MDK: variants seen among roughly 807,000 people sequenced by gnomAD.
The protein encoded by MDK is amphiregulin-associated protein.
Under a neutral mutation model 18.9 loss-of-function variants are expected in MDK, and 17 were observed. The ratio of observed to expected loss-of-function variants is 0.90; its 90% CI spans 0.62 to 1.35. The LOEUF (loss-of-function observed/expected upper bound fraction) is 1.35, where lower values mean the gene tolerates loss of function less well. MDK is among the 40% of genes most tolerant of loss of function. The probability of loss-of-function intolerance (pLI) is 0.00; values close to 1 mark genes in which losing one functional copy is unlikely to be tolerated. For synonymous variants in MDK, 86 were observed against 74.3 expected (o/e 1.16, Z -0.81); for missense variants, 180 against 186.3 (o/e 0.97, Z 0.20).
intron 3 of MDK, 32 bp downstream of exon 3, chr11:46,382,493 CG>C (rs1248506708): frequency 1.3e-6 from 2 of 1,527,976 alleles, no homozygotes; most frequent in Admixed American, 2.0e-5. Context: ...GGGCAGGAGA[CG>C]GGGGGCACAG....
At chr11:46,382,803 C>T (rs1270538278) in intron 4 of MDK, 55 bp downstream of exon 4, 3 of 1,481,168 alleles carry the variant, frequency 2.0e-6, no homozygotes, top group South Asian at 1.2e-5. Flanking sequence ...CCCCCCCCCC[C>T]CCGCCTGTGA....
chr11:46,381,749 C>A lies in MDK; in HGVS notation c.-11C>A. ...GCGGGAGGGAGCGAAGCAGCGCGGG[C>A]AGCGAGCGAGTGAGCGCGCGGCGGC... On this transcript the variant is annotated 5_prime_UTR_variant, in exon 1 of 5. Transcript: ENST00000395566. 8.5e-6 allele frequency: 2 copies of A among 234,282 alleles called. No individual in the cohort carries two copies. The highest frequency in any genetic ancestry group is 1.6e-5 in the Non-Finnish European group (2 of 124,482). The allele number at this position is 234,282 out of a possible 1,614,324, so 14.5% of individuals were successfully genotyped here.
intron 4 of MDK, 42 bp downstream of exon 4, chr11:46,382,790 G>GGGGGGGGGGGGGGGC: frequency 2.7e-5 from 27 of 985,960 alleles, no homozygotes; most frequent in East Asian, 1.5e-4. Flanking sequence ...GCGGGGGGCT[G>GGGGGGGGGGGGGGGC]CCCCCCCCCC....
rs1945286107 is a variant in MDK, at chr11:46,383,539, C to T, written c.*45C>T. The T allele has an allele frequency of 1.9e-6, 3 of 1,582,554 alleles. No homozygotes were observed. The highest frequency in any genetic ancestry group is 2.7e-5 in the African/African-American group (2 of 74,312). On this transcript the variant is annotated 3_prime_UTR_variant, in exon 5 of 5. Coordinates refer to ENST00000395566, the MANE Select transcript of MDK (RefSeq NM_002391.6). ...AGGAGCCCCTGGTGTCACATGGGGC[C>T]TGGCCCACGCCCTCCCTCTCCCAGG...
At chr11:46,382,238 T>C in intron 2 of MDK, 56 bp from the exon 3 acceptor site, 1 of 1,604,040 alleles carries the variant, frequency 6.2e-7, no homozygotes, top group Admixed American at 1.7e-5. Context: ...GGAAGGCGGC[T>C]CCCGAGGGAG....
upstream of MDK, chr11:46,381,632 G>C (rs1945169899): frequency 1.4e-5 from 2 of 144,818 alleles, no homozygotes; most frequent in Non-Finnish European, 3.1e-5. Flanking sequence ...TCCCTGGGGG[G>C]GTGGGGAGAG....
intron 4 of MDK, 179 bp from the exon 5 acceptor site, chr11:46,383,290 T>TG: frequency 1.8e-6 from 1 of 555,368 alleles, no homozygotes; most frequent in South Asian, 2.3e-5. Flanking sequence ...AAGCTGGGGA[T>TG]GTCCCATGTC....
chr11:46,382,781 C>CG (rs1342765590), intron 4 of MDK, 33 bp downstream of exon 4: 8 of 470,072 alleles, frequency 1.7e-5, no homozygotes, highest in East Asian at 9.7e-5. Flanking sequence ...GGGGCTGTCG[C>CG]GGGGGGCTGC....
chr11:46,380,836 T>C (rs1176380656), upstream of MDK: 2 of 152,112 alleles, frequency 1.3e-5, no homozygotes, highest in African/African-American at 4.8e-5. Context: ...CTGTGGCCCA[T>C]TTGCCCTGTG....
chr11:46,383,460 G>A lies in MDK; in HGVS notation c.407-9G>A, dbSNP rs1945282447. 1.9e-6 allele frequency: 3 copies of A among 1,586,062 alleles called. No individual in the cohort carries two copies. The highest frequency in any genetic ancestry group is 1.7e-6 in the Non-Finnish European group (2 of 1,165,674). On this transcript the variant is annotated splice_polypyrimidine_tract_variant and intron_variant, in intron 4 of 4. Transcript: ENST00000395566. ...GATATGGTATTAATATTTCTTTCTTGTTTTACAGCCAAGAAAGGGAAGGGA... is the reference window on the plus strand; with the variant it reads ...GATATGGTATTAATATTTCTTTCTTATTTTACAGCCAAGAAAGGGAAGGGA...
At chr11:46,382,495 G>T in intron 3 of MDK, 34 bp downstream of exon 3, 1 of 1,529,528 alleles carries the variant, frequency 6.5e-7, no homozygotes, top group African/African-American at 1.4e-5. Context: ...GCAGGAGACG[G>T]GGGGCACAGC....
At chr11:46,382,776 T>C in intron 4 of MDK, 28 bp downstream of exon 4, 1 of 1,376,520 alleles carries the variant, frequency 7.3e-7, no homozygotes, top group East Asian at 3.1e-5. Flanking sequence ...GGGGTGGGGC[T>C]GTCGCGGGGG....
chr11:46,382,790 G>GGGGGGCCCCCC, intron 4 of MDK, 42 bp downstream of exon 4: 2 of 985,980 alleles, frequency 2.0e-6, no homozygotes, highest in Non-Finnish European at 1.3e-6. Flanking sequence ...GCGGGGGGCT[G>GGGGGGCCCCCC]CCCCCCCCCC....
At chr11:46,381,790 C>T (rs1590672148) in intron 1 of MDK, 32 bp downstream of exon 1, 1 of 340,560 alleles carries the variant, frequency 2.9e-6, no homozygotes, top group Non-Finnish European at 5.2e-6. Context: ...GTCCGCCCGG[C>T]CGCGGCCGAT....
Position 46,382,402 on chromosome 11 carries a change from G to C in MDK, c.185G>C (p.Gly62Ala), listed in dbSNP as rs1945233165. The C allele has an allele frequency of 6.4e-7, 1 of 1,556,080 alleles. No homozygotes were observed. Among genetic ancestry groups the C allele is most frequent in the Non-Finnish European group, 8.7e-7 (1 of 1,153,178 alleles). ...CGVGFREGTC[G>A]AQTQRIRCRV... ...GTGGGTTTCCGCGAGGGCACCTGCG[G>C]GGCCCAGACCCAGCGCATCCGGTGC... Residue 62 changes from glycine (G) to alanine (A), a missense_variant, in exon 3 of 5, where the codon GGG (glycine) becomes GCG (alanine). Physicochemically the swap from Gly to Ala is moderately conservative, Grantham distance 60. Transcript: ENST00000395566.
intron 1 of MDK, 75 bp downstream of exon 1, chr11:46,381,833 G>T (rs1281050306): frequency 2.0e-6 from 1 of 511,590 alleles, no homozygotes; most frequent in East Asian, 3.5e-5. Context: ...GGGGGTGGGG[G>T]TCTGAGCTGC....
chr11:46,382,814 G>A, intron 4 of MDK, 66 bp downstream of exon 4: 1 of 1,507,240 alleles, frequency 6.6e-7, no homozygotes, highest in East Asian at 2.5e-5. Context: ...CCGCCTGTGA[G>A]GGGACAATTC....
At chr11:46,383,003 T>C (rs1945269838) in intron 4 of MDK, 1 of 556,148 alleles carries the variant, frequency 1.8e-6, no homozygotes, top group African/African-American at 1.9e-5. Context: ...TTGGAGCATC[T>C]GGCTTAGGAC....
rs758418356 is a variant in MDK, at chr11:46,382,400, C to A, written c.183C>A (p.Cys61Ter). The A allele has an allele frequency of 1.3e-6, 2 of 1,556,634 alleles. No homozygotes were observed. Among genetic ancestry groups the A allele is most frequent in the Non-Finnish European group, 1.7e-6 (2 of 1,153,526 alleles). ...GCGTGGGTTTCCGCGAGGGCACCTG[C>A]GGGGCCCAGACCCAGCGCATCCGGT... ...DCGVGFREGT[C>*]GAQTQRIRCR... The change falls in exon 3 of 5, where the codon TGC (cysteine) becomes TGA (stop). Residue 61 changes from cysteine to a stop codon, truncating the protein, a stop_gained. Transcript: ENST00000395566. LOFTEE classifies it high-confidence loss of function.
Sources: allele counts gnomAD v4.1 joint callset, GRCh38; gene constraint gnomAD v4.1.1; transcripts MANE v1.5; gene names NCBI Gene and HGNC (gene_info 2026-07-23, HGNC 2026-07-21).